Variants in PROS1 observed in about 807,000 individuals in gnomAD.
PROS1 encodes the protein protein S.
PROS1 carries 29 observed loss-of-function variants against 75.9 expected under a neutral mutation model. The observed-to-expected ratio is 0.38, with a 90% CI of 0.28 to 0.52. The LOEUF is 0.52. Ranked by LOEUF, PROS1 falls within the 20% of genes least tolerant of loss-of-function variation. The probability of loss-of-function intolerance (pLI) is 0.83; values close to 1 mark genes in which losing one functional copy is unlikely to be tolerated. For missense variants in PROS1, 680 were observed against 810.3 expected (o/e 0.84, Z 1.95); for synonymous variants, 245 against 280.6 (o/e 0.87, Z 1.27).
chr3:93,938,427 A>T (rs535092773), intron 1 of PROS1, among the ~76,000 whole-genome samples: 1 of 152,102 alleles, frequency 6.6e-6, no homozygotes, highest in African/African-American at 2.4e-5. Context: ...GTCTCTTCAC[A>T]CGGACGCACA....
At chr3:93,955,396 A>C (rs922488678) in intron 1 of PROS1, among the ~76,000 whole-genome samples, 1 of 152,258 alleles carries the variant, frequency 6.6e-6, no homozygotes, top group Non-Finnish European at 1.5e-5. Flanking sequence ...CTATGCAGTC[A>C]TAAAAAAGGA....
At chr3:93,898,237 C>T (rs1240021304) in intron 8 of PROS1, among the ~76,000 whole-genome samples, 2 of 151,986 alleles carry the variant, frequency 1.3e-5, no homozygotes, top group Admixed American at 6.6e-5. Context: ...TGACTCTACC[C>T]TCTTTTTTTT....
chr3:93,962,429 G>C (rs1709720445), intron 1 of PROS1, among the ~76,000 whole-genome samples: 1 of 152,190 alleles, frequency 6.6e-6, no homozygotes, highest in Non-Finnish European at 1.5e-5. Flanking sequence ...AAGGAGAGGA[G>C]AGAGGCCCTT....
chr3:93,915,917 T>C (rs1314561069), intron 3 of PROS1, among the ~76,000 whole-genome samples: 1 of 152,208 alleles, frequency 6.6e-6, no homozygotes, highest in Non-Finnish European at 1.5e-5. Flanking sequence ...TTTTCAGGTA[T>C]TTGTTATAGC....
intron 1 of PROS1, among the ~76,000 whole-genome samples, chr3:93,954,178 C>CATTGAAGCTA (rs1432217847): frequency 6.6e-6 from 1 of 152,172 alleles, no homozygotes; most frequent in Non-Finnish European, 1.5e-5. Flanking sequence ...TCAATGCCAT[C>CATTGAAGCTA]CCCATCAAGC....
Position 93,939,371 on chromosome 3 carries a change from G to A in PROS1, c.77-11964C>T, listed in dbSNP as rs564728328. ...CTCAGTCCCAACCCCAAGCGTCACT[G>A]AGTCTTTTCAATCTTCCTTTTCTAC... On this transcript the variant is annotated intron_variant, in intron 1 of 14. Transcript: ENST00000394236. Among the ~76,000 whole-genome samples, 151 of 152,054 alleles carry A rather than the reference G, an allele frequency of 9.9e-4. 1 individual carries two copies. Among genetic ancestry groups the A allele is most frequent in the Admixed American group, 1.2e-3 (18 of 15,266 alleles).
chr3:93,935,733 C>T (rs1576203039), intron 1 of PROS1, among the ~76,000 whole-genome samples: 1 of 151,862 alleles, frequency 6.6e-6, no homozygotes. Context: ...ATTGGTATAT[C>T]GTCAAGTGAG....
intron 3 of PROS1, among the ~76,000 whole-genome samples, chr3:93,922,294 A>G (rs1298005459): frequency 6.6e-6 from 1 of 152,030 alleles, no homozygotes. Flanking sequence ...TCAAAAAATG[A>G]TTTCTAATGT....
chr3:93,875,031 TATTCTTC>T (rs1708161525), intron 14 of PROS1, among the ~76,000 whole-genome samples: 1 of 152,088 alleles, frequency 6.6e-6, no homozygotes, highest in Non-Finnish European at 1.5e-5. Context: ...CTTTAGCCCT[TATTCTTC>T]ATCTTCAGTA....
In PROS1 at chr3:93,905,852, G is replaced by A. The variant is rs1708667236; in HGVS notation, c.533C>T (p.Thr178Ile). Residue 178 changes from threonine to isoleucine, a missense_variant, in exon 6 of 15, where the codon ACA becomes ATA. Transcript: ENST00000394236. ...ACAGGAACAGTGGTAACTTCCAGGT[G>A]TATTATCACAAATTTGACTGCAACC... ...NGGCSQICDN[T>I]PGSYHCSCKN... The A allele has an allele frequency of 1.2e-6, 2 of 1,612,576 alleles. No homozygotes were observed. Among genetic ancestry groups the A allele is most frequent in the Non-Finnish European group, 1.7e-6 (2 of 1,178,676 alleles).
In PROS1 at chr3:93,911,279, G is replaced by C. The variant is rs561044749; in HGVS notation, c.260-574C>G. On this transcript the variant is annotated intron_variant, in intron 3 of 14. Transcript: ENST00000394236. ...CAGATATAGCAACCTGGTAGATATT[G>C]CTAGGAAACTAAGAAATAACAGCTG... The C allele has an allele frequency of 8.5e-5, 13 of 152,966 alleles. 1 individual carries two copies. Among genetic ancestry groups the C allele is most frequent in the Admixed American group, 7.8e-4 (12 of 15,370 alleles). 9.5% of individuals were successfully genotyped at this position (152,966 alleles called of 1,614,324 possible).
chr3:93,888,894 C>T (rs1044174030), intron 10 of PROS1, among the ~76,000 whole-genome samples: 25 of 152,112 alleles, frequency 1.6e-4, no homozygotes, highest in African/African-American at 5.8e-4. Flanking sequence ...TTCAATTTAG[C>T]ATAAAATCCA....
intron 4 of PROS1, among the ~76,000 whole-genome samples, chr3:93,909,932 G>T (rs991361941): frequency 6.6e-6 from 1 of 151,912 alleles, no homozygotes; most frequent in Non-Finnish European, 1.5e-5. Flanking sequence ...AAAAGATAAA[G>T]CATGAATTAA....
At chr3:93,921,194 T>A (rs1003207772) in intron 3 of PROS1, among the ~76,000 whole-genome samples, 9 of 152,218 alleles carry the variant, frequency 5.9e-5, no homozygotes, top group African/African-American at 2.2e-4. Flanking sequence ...GATTTCCTGA[T>A]GTTAACTCAC....
intron 1 of PROS1, among the ~76,000 whole-genome samples, chr3:93,941,927 C>T (rs1251114599): frequency 6.6e-6 from 1 of 152,174 alleles, no homozygotes; most frequent in Non-Finnish European, 1.5e-5. Flanking sequence ...GCTATACTCA[C>T]CCTTTGTTGA....
chr3:93,917,491 C>T (rs1708874774), intron 3 of PROS1, among the ~76,000 whole-genome samples: 3 of 152,214 alleles, frequency 2.0e-5, no homozygotes, highest in Non-Finnish European at 4.4e-5. Context: ...GGCACCTTTT[C>T]TGCCTGGGCT....
intron 1 of PROS1, among the ~76,000 whole-genome samples, chr3:93,970,893 A>G (rs546667993): frequency 6.6e-6 from 1 of 152,272 alleles, no homozygotes; most frequent in African/African-American, 2.4e-5. Context: ...CCAGACACTC[A>G]GAAGGCTGAT....
intron 10 of PROS1, among the ~76,000 whole-genome samples, chr3:93,886,744 A>G (rs909086021): frequency 6.6e-6 from 1 of 152,214 alleles, no homozygotes; most frequent in African/African-American, 2.4e-5. Context: ...AAAGTTAAAA[A>G]AAATACTATT....
intron 14 of PROS1, among the ~76,000 whole-genome samples, chr3:93,876,604 A>T (rs1708192256): frequency 6.6e-6 from 1 of 150,736 alleles, no homozygotes; most frequent in African/African-American, 2.4e-5. Context: ...AAAAAAAAAA[A>T]AAAAAAAAAG....
Sources: allele counts gnomAD v4.1 joint callset (sites outside exome capture counted in the v4.1 genomes callset), GRCh38; gene constraint gnomAD v4.1.1; transcripts MANE v1.5; gene names NCBI Gene and HGNC (gene_info 2026-07-23, HGNC 2026-07-21).